The following DLGAP2 variants were observed in gnomAD, a reference collection of about 807,000 sequenced individuals.
The protein encoded by DLGAP2 is DLG associated protein 2.
In DLGAP2, 26 loss-of-function variants were observed where a neutral mutation model predicts 100.3. The ratio of observed to expected loss-of-function variants is 0.26; its 90% confidence interval spans 0.19 to 0.36. The LOEUF (loss-of-function observed/expected upper bound fraction) is 0.36, where lower values mean the gene tolerates loss of function less well. Among genes scored for constraint, DLGAP2 ranks in the 10% least tolerant of loss-of-function variants. The pLI, the probability that DLGAP2 is intolerant of heterozygous loss-of-function variation, is 1.00. For synonymous variants in DLGAP2, 886 were observed against 630.1 expected (o/e 1.41, Z -6.08); for missense variants, 1,858 against 1,453.2 (o/e 1.28, Z -4.53).
intron 2 of DLGAP2, among the ~76,000 whole-genome samples, chr8:1,155,969 G>A (rs540482692): frequency 9.8e-5 from 15 of 152,312 alleles, no homozygotes; most frequent in African/African-American, 3.4e-4. Flanking sequence ...TTCCTGCGCT[G>A]CCCCTGACGG....
At chr8:1,514,155 G>A (rs1800277410) in intron 4 of DLGAP2, among the ~76,000 whole-genome samples, 1 of 152,248 alleles carries the variant, frequency 6.6e-6, no homozygotes, top group African/African-American at 2.4e-5. Context: ...CACCCAATTA[G>A]ACATCTAGGA....
intron 4 of DLGAP2, 58 bp downstream of exon 4, chr8:1,501,489 C>T (rs923473304): frequency 2.0e-5 from 30 of 1,491,828 alleles, no homozygotes; most frequent in South Asian, 7.3e-5. Flanking sequence ...GGGCATGCTC[C>T]GGGCACCTCC....
chr8:1,341,741 C>G (rs1042811401), intron 3 of DLGAP2, among the ~76,000 whole-genome samples: 1 of 152,154 alleles, frequency 6.6e-6, no homozygotes, highest in Non-Finnish European at 1.5e-5. Context: ...GGCACGTTAG[C>G]AGGGTGTGCT....
At chr8:1,120,296 C>T (rs1246161808) in intron 2 of DLGAP2, among the ~76,000 whole-genome samples, 1 of 152,178 alleles carries the variant, frequency 6.6e-6, no homozygotes. Flanking sequence ...GCTCAAATCA[C>T]ACTCATTAGG....
chr8:1,607,430 A>G (rs6558500), intron 6 of DLGAP2, among the ~76,000 whole-genome samples: 70,035 of 152,130 alleles, frequency 0.46, 16,400 homozygotes, highest in African/African-American at 0.54. Context: ...TTCTCAAAGG[A>G]AATCTAATTT....
chr8:1,224,780 G>A (rs899839445), intron 2 of DLGAP2, among the ~76,000 whole-genome samples: 1 of 152,182 alleles, frequency 6.6e-6, no homozygotes, highest in African/African-American at 2.4e-5. Flanking sequence ...AAGGGGACTG[G>A]ATGGACATTC....
chr8:1,155,190 C>CA (rs1385281349), intron 2 of DLGAP2, among the ~76,000 whole-genome samples: 2 of 152,342 alleles, frequency 1.3e-5, no homozygotes, highest in East Asian at 3.9e-4. Context: ...CTGCCCAGCA[C>CA]ACACCAGGGT....
chr8:1,568,163 A>C (rs1802484482), intron 6 of DLGAP2, among the ~76,000 whole-genome samples: 1 of 145,682 alleles, frequency 6.9e-6, no homozygotes, highest in African/African-American at 2.6e-5. Context: ...CCCCCATGCC[A>C]CTGTCCACTC....
chr8:855,230 G>A (rs912947544), intron 1 of DLGAP2, among the ~76,000 whole-genome samples: 6 of 152,176 alleles, frequency 3.9e-5, no homozygotes, highest in Admixed American at 3.3e-4. Context: ...GCTATGTTAC[G>A]CTTTTCATTT....
intron 1 of DLGAP2, among the ~76,000 whole-genome samples, chr8:763,074 A>G (rs1388428933): frequency 2.0e-5 from 3 of 152,076 alleles, no homozygotes; most frequent in African/African-American, 7.2e-5. Flanking sequence ...GAGAAAAAAA[A>G]AAAGGGAAGA....
intron 2 of DLGAP2, among the ~76,000 whole-genome samples, chr8:952,030 C>T (rs56058128): frequency 6.6e-6 from 1 of 152,140 alleles, no homozygotes; most frequent in South Asian, 2.1e-4. Context: ...GTGCCCTCTC[C>T]CAGTGGGTTC....
intron 2 of DLGAP2, among the ~76,000 whole-genome samples, chr8:980,241 A>T (rs981672650): frequency 3.3e-5 from 5 of 152,158 alleles, no homozygotes; most frequent in African/African-American, 4.8e-5. Flanking sequence ...AAGAAACGGG[A>T]TGGGAGGAAA....
chr8:1,155,899 AGG>A (rs1796774832), intron 2 of DLGAP2, among the ~76,000 whole-genome samples: 1 of 152,064 alleles, frequency 6.6e-6, no homozygotes, highest in Non-Finnish European at 1.5e-5. Flanking sequence ...GCGGCGGGGG[AGG>A]CCAGTATGCA....
intron 2 of DLGAP2, among the ~76,000 whole-genome samples, chr8:1,166,632 C>T (rs1418656695): frequency 6.6e-6 from 1 of 152,124 alleles, no homozygotes; most frequent in African/African-American, 2.4e-5. Flanking sequence ...ACGGAGTCTC[C>T]TGTCAATGCC....
intron 2 of DLGAP2, among the ~76,000 whole-genome samples, chr8:925,627 G>A (rs925079246): frequency 6.6e-6 from 1 of 152,134 alleles, no homozygotes; most frequent in Admixed American, 6.5e-5. Flanking sequence ...AGTGGAAGTC[G>A]TTGGATATAT....
chr8:1,596,472 A>G (rs1380196621), intron 6 of DLGAP2, among the ~76,000 whole-genome samples: 1 of 152,214 alleles, frequency 6.6e-6, no homozygotes, highest in East Asian at 1.9e-4. Context: ...TGGTTGAACT[A>G]ACTTATACTC....
At chr8:1,573,757 C>G (rs922829912) in intron 6 of DLGAP2, among the ~76,000 whole-genome samples, 2 of 152,144 alleles carry the variant, frequency 1.3e-5, no homozygotes, top group African/African-American at 4.8e-5. Context: ...GGCCCGCTCA[C>G]TGGTCATCAT....
chr8:1,706,934 T>C lies in DLGAP2; in HGVS notation c.*5528T>C, dbSNP rs138674048. 6.6e-6 allele frequency: 1 copy of C among 152,594 alleles called. No individual in the cohort carries two copies. The highest frequency in any genetic ancestry group is 1.9e-4 in the East Asian group (1 of 5,176). The allele number at this position is 152,594 out of a possible 1,614,324, so 9.5% of individuals were successfully genotyped here. ...ACAGCCGTCTTTCATCCTTGCCACA[T>C]TGAAAAATGTCCACAATTTTATGAA... On this transcript the variant is annotated 3_prime_UTR_variant, in exon 15 of 15. Coordinates refer to ENST00000637795, the MANE Select transcript of DLGAP2 (RefSeq NM_001346810.2).
intron 4 of DLGAP2, among the ~76,000 whole-genome samples, chr8:1,510,910 A>G (rs754221804): frequency 1.3e-5 from 2 of 152,250 alleles, no homozygotes; most frequent in Non-Finnish European, 1.5e-5. Flanking sequence ...GTAAACCTAG[A>G]AGGAACTTGC....
Sources: gnomAD v4.1 joint callset for allele counts (sites outside exome capture counted in the v4.1 genomes callset) on GRCh38, gnomAD v4.1.1 for gene constraint, MANE v1.5 for transcripts, NCBI Gene and HGNC (gene_info 2026-07-23, HGNC 2026-07-21) for gene names.